NFIA: variants seen among roughly 807,000 people sequenced by gnomAD.
NFIA encodes nuclear factor I A.
NFIA carries 8 observed loss-of-function variants against 62.8 expected under a neutral mutation model. That is an observed-to-expected ratio of 0.13 (90% CI 0.07 to 0.23). The LOEUF (loss-of-function observed/expected upper bound fraction) is 0.23, where lower values mean the gene tolerates loss of function less well. NFIA is among the 10% of genes least tolerant of loss of function. The pLI, the probability that NFIA is intolerant of heterozygous loss-of-function variation, is 1.00. For synonymous variants in NFIA, 235 were observed against 238.1 expected (o/e 0.99, Z 0.12); for missense variants, 410 against 642.1 (o/e 0.64, Z 3.91).
intron 3 of NFIA, among the ~76,000 whole-genome samples, chr1:61,307,469 T>G (rs763459324): frequency 2.0e-5 from 3 of 152,208 alleles, no homozygotes; most frequent in Non-Finnish European, 2.9e-5. Context: ...TTATGGTGTT[T>G]CGTTACAGCA....
chr1:61,247,771 C>T (rs1383528382), intron 2 of NFIA, among the ~76,000 whole-genome samples: 1 of 152,130 alleles, frequency 6.6e-6, no homozygotes, highest in African/African-American at 2.4e-5. Flanking sequence ...CATTATTTCA[C>T]AGCTGGGCCA....
intron 2 of NFIA, among the ~76,000 whole-genome samples, chr1:61,148,870 C>T (rs1648198115): frequency 6.6e-6 from 1 of 152,006 alleles, no homozygotes; most frequent in Non-Finnish European, 1.5e-5. Flanking sequence ...CATTCTCTTT[C>T]TTTTCTTTTT....
chr1:61,312,178 T>G (rs973245455), intron 3 of NFIA, among the ~76,000 whole-genome samples: 2 of 152,246 alleles, frequency 1.3e-5, no homozygotes, highest in African/African-American at 2.4e-5. Context: ...TGTAGACTTG[T>G]GAGTGCACAG....
intron 2 of NFIA, among the ~76,000 whole-genome samples, chr1:61,203,847 T>G (rs923764603): frequency 2.0e-5 from 3 of 152,188 alleles, no homozygotes; most frequent in African/African-American, 7.2e-5. Context: ...AGCCGGCCTT[T>G]GAGTGATAAA....
At chr1:61,237,593 A>G (rs748441362) in intron 2 of NFIA, among the ~76,000 whole-genome samples, 1 of 152,224 alleles carries the variant, frequency 6.6e-6, no homozygotes, top group Non-Finnish European at 1.5e-5. Context: ...CAACAGAATC[A>G]ACAGGAGATA....
intron 2 of NFIA, among the ~76,000 whole-genome samples, chr1:61,122,378 A>G (rs532776753): frequency 6.6e-6 from 1 of 152,304 alleles, no homozygotes; most frequent in East Asian, 1.9e-4. Flanking sequence ...TAAGAGTTAT[A>G]TTGTAAAGTT....
At chr1:61,271,369 C>T (rs536045759) in intron 2 of NFIA, among the ~76,000 whole-genome samples, 1 of 152,230 alleles carries the variant, frequency 6.6e-6, no homozygotes, top group African/African-American at 2.4e-5. Context: ...CCTGGAATAC[C>T]AACATTAATG....
chr1:61,186,723 A>G (rs1042283640), intron 2 of NFIA, among the ~76,000 whole-genome samples: 2 of 152,224 alleles, frequency 1.3e-5, no homozygotes, highest in African/African-American at 4.8e-5. Context: ...AATAATAGCA[A>G]CGGATACCTA....
intron 2 of NFIA, among the ~76,000 whole-genome samples, chr1:61,184,368 G>C (rs1040546331): frequency 7.9e-5 from 12 of 152,178 alleles, no homozygotes; most frequent in Non-Finnish European, 1.6e-4. Flanking sequence ...CCATTTCCTT[G>C]TTTCTAAAAA....
intron 4 of NFIA, among the ~76,000 whole-genome samples, chr1:61,344,111 G>A (rs970208886): frequency 6.6e-6 from 1 of 151,850 alleles, no homozygotes; most frequent in African/African-American, 2.4e-5. Flanking sequence ...AGCATATTAC[G>A]GTAAAAGGGA....
intron 3 of NFIA, among the ~76,000 whole-genome samples, chr1:61,314,626 G>A (rs1054992927): frequency 2.0e-5 from 3 of 152,066 alleles, no homozygotes; most frequent in African/African-American, 7.2e-5. Flanking sequence ...GTCTGACAAT[G>A]GTACTCACTT....
intron 2 of NFIA, among the ~76,000 whole-genome samples, chr1:61,233,361 G>A (rs1654792655): frequency 6.6e-6 from 1 of 152,182 alleles, no homozygotes; most frequent in Non-Finnish European, 1.5e-5. Flanking sequence ...GATGCAGGGA[G>A]CCCACAGACC....
At chr1:61,453,704 T>C (rs1365268681) in intron 10 of NFIA, among the ~76,000 whole-genome samples, 1 of 152,122 alleles carries the variant, frequency 6.6e-6, no homozygotes, top group African/African-American at 2.4e-5. Context: ...TTTGAACCTG[T>C]TTTGTAGAAG....
chr1:61,136,929 A>G (rs911210924), intron 2 of NFIA, among the ~76,000 whole-genome samples: 4 of 152,238 alleles, frequency 2.6e-5, no homozygotes, highest in Non-Finnish European at 2.9e-5. Context: ...AATAGTAAGT[A>G]TAGAACACTT....
chr1:61,401,422 G>A (rs1213513329), intron 7 of NFIA, among the ~76,000 whole-genome samples: 5 of 152,128 alleles, frequency 3.3e-5, no homozygotes, highest in South Asian at 4.1e-4. Context: ...TGTCTTTTAC[G>A]TATTTAACAA....
chr1:61,299,415 T>C (rs1336065518), intron 3 of NFIA, among the ~76,000 whole-genome samples: 1 of 152,230 alleles, frequency 6.6e-6, no homozygotes, highest in African/African-American at 2.4e-5. Context: ...CCACTACCTC[T>C]TTAATTTTTC....
chr1:61,107,114 A>G (rs113394477), intron 2 of NFIA, among the ~76,000 whole-genome samples: 8 of 151,606 alleles, frequency 5.3e-5, no homozygotes, highest in African/African-American at 1.7e-4. Context: ...GGTCTTAGCA[A>G]GTGCTATGAA....
chr1:61,214,657 A>G (rs1352775021), intron 2 of NFIA, among the ~76,000 whole-genome samples: 1 of 152,192 alleles, frequency 6.6e-6, no homozygotes, highest in East Asian at 1.9e-4. Flanking sequence ...CTGAATCTGG[A>G]TATATGACAA....
intron 2 of NFIA, among the ~76,000 whole-genome samples, chr1:61,179,797 C>G (rs1405647873): frequency 2.0e-5 from 3 of 152,128 alleles, no homozygotes; most frequent in Admixed American, 2.0e-4. Flanking sequence ...TTCCAATAGC[C>G]CCCTATCGAG....
Sources: allele counts gnomAD v4.1 joint callset (sites outside exome capture counted in the v4.1 genomes callset), GRCh38; gene constraint gnomAD v4.1.1; transcripts MANE v1.5; gene names NCBI Gene and HGNC (gene_info 2026-07-23, HGNC 2026-07-21).